TP73: variants seen among roughly 807,000 people sequenced by gnomAD.
TP73 encodes the protein tumor protein p73.
A neutral mutation model predicts 62.5 loss-of-function variants in TP73; 25 were observed. The ratio of observed to expected loss-of-function variants is 0.40; its 90% CI spans 0.29 to 0.56. TP73 has a LOEUF of 0.56. Among genes scored for constraint, TP73 ranks in the 20% least tolerant of loss-of-function variants. The probability of loss-of-function intolerance (pLI) is 0.46; values close to 1 mark genes in which losing one functional copy is unlikely to be tolerated. For synonymous variants in TP73, 423 were observed against 377.5 expected, an observed-to-expected ratio of 1.12 and a Z score of -1.40; for missense variants, 754 against 913.3, an observed-to-expected ratio of 0.83 and a Z score of 2.25.
In TP73 at chr1:3,727,900, C is replaced by T. The variant is rs76013221; in HGVS notation, c.985+130C>T. On this transcript the variant is annotated intron_variant, in intron 8 of 13. Coordinates refer to ENST00000378295, the MANE Select transcript of TP73 (RefSeq NM_005427.4). ...CGGCCCCCCACGCCCAGACTCCTCC[C>T]TGACGGAGCCTGAGAGCAGCCCCCA... The T allele has an allele frequency of 4.1e-3, 5,495 of 1,353,272 alleles. 182 individuals are homozygous for T. In the African/African-American group the frequency reaches 0.072, roughly 18 times the overall value. The allele number at this position is 1,353,272 out of a possible 1,614,324, so 83.8% of individuals were successfully genotyped here.
intron 3 of TP73, chr1:3,690,868 C>G (rs893740995): frequency 2.6e-6 from 4 of 1,562,262 alleles, no homozygotes; most frequent in Middle Eastern, 1.7e-4. Flanking sequence ...CCACGGGACA[C>G]CAGTTCCCTG....
intron 1 of TP73, among the ~76,000 whole-genome samples, chr1:3,681,828 C>T (rs1478300590): frequency 1.3e-5 from 2 of 151,880 alleles, no homozygotes; most frequent in Non-Finnish European, 2.9e-5. Context: ...CTGCATCCCC[C>T]AGGCCAAACC....
rs1202917670 is a variant in TP73 at position 3,666,853 on chromosome 1, A to C, written c.-34+14212A>C. On this transcript the variant is annotated intron_variant, in intron 1 of 13. Coordinates refer to ENST00000378295, the MANE Select transcript of TP73 (RefSeq NM_005427.4). The surrounding 1 kb of genome is among the most constrained non-coding windows in gnomAD (Gnocchi z 6.4). ...AGAGGGCTCAGAAAAGATGTTTTTC[A>C]ATGAGGGACATTTATGGTTGGCAAA... 6.6e-6 allele frequency among the ~76,000 whole-genome samples: 1 copy of C among 152,170 alleles called. No individual in the cohort carries two copies. The highest frequency in any genetic ancestry group is 2.4e-5 in the African/African-American group (1 of 41,436).
At chr1:3,711,885 CAT>C (rs74455032) in intron 4 of TP73, among the ~76,000 whole-genome samples, 19,232 of 150,694 alleles carry the variant, frequency 0.13, 1,504 homozygotes, top group Middle Eastern at 0.18. Context: ...CATGTGCACA[CAT>C]GTTTGTCTTA....
intron 3 of TP73, among the ~76,000 whole-genome samples, chr1:3,692,939 G>A (rs543062691): frequency 6.6e-5 from 10 of 152,316 alleles, no homozygotes; most frequent in South Asian, 6.2e-4. Flanking sequence ...TGCCCTGGGC[G>A]TCAGCAATGG....
At chr1:3,673,818 A>G (rs1488072460) in intron 1 of TP73, among the ~76,000 whole-genome samples, 1 of 152,196 alleles carries the variant, frequency 6.6e-6, no homozygotes, top group African/African-American at 2.4e-5. Flanking sequence ...AGATAGATGG[A>G]CAGGCAGGGG....
intron 3 of TP73, chr1:3,690,630 T>C (rs1255572225): frequency 2.2e-6 from 3 of 1,343,936 alleles, no homozygotes; most frequent in African/African-American, 3.0e-5. Flanking sequence ...CTTGGATGAA[T>C]ACTCATGAGG....
At chr1:3,654,327 G>T (rs1240292878) in intron 1 of TP73, among the ~76,000 whole-genome samples, 1 of 152,174 alleles carries the variant, frequency 6.6e-6, no homozygotes, top group African/African-American at 2.4e-5. Flanking sequence ...CTCGGGATGT[G>T]AGCCCTGCCT....
At chr1:3,664,311 C>T (rs1030251999) in intron 1 of TP73, among the ~76,000 whole-genome samples, 2 of 152,192 alleles carry the variant, frequency 1.3e-5, no homozygotes, top group Non-Finnish European at 2.9e-5. Flanking sequence ...AGCTGGCAGG[C>T]CCCCCGTGGC....
intron 5 of TP73, 144 bp downstream of exon 5, chr1:3,722,351 C>T (rs1641139510): frequency 3.9e-6 from 4 of 1,035,616 alleles, no homozygotes; most frequent in African/African-American, 3.2e-5. Context: ...AGTGCCTCCA[C>T]CAGCCCCCAT....
chr1:3,682,227 G>C, intron 1 of TP73, 106 bp from the exon 2 acceptor site: 1 of 787,068 alleles, frequency 1.3e-6, no homozygotes, highest in East Asian at 3.3e-5. Context: ...CTGCTCCAGG[G>C]ATGCCCCAGG....
chr1:3,699,209 G>A lies in TP73; in HGVS notation c.187-8340G>A, dbSNP rs1020380337. 6.6e-5 allele frequency among the ~76,000 whole-genome samples: 10 copies of A among 152,160 alleles called. No homozygotes were observed. The highest frequency in any genetic ancestry group is 1.9e-4 in the African/African-American group (8 of 41,428). Reference sequence around the variant, plus strand: ...TTAATCACGGGCTCCGGGAGATGCTGTGGGAAGTACCGGCAGGACGGAGGT... The same window carrying A: ...TTAATCACGGGCTCCGGGAGATGCTATGGGAAGTACCGGCAGGACGGAGGT... On this transcript the variant is annotated intron_variant, in intron 3 of 13. Coordinates refer to ENST00000378295, the MANE Select transcript of TP73 (RefSeq NM_005427.4). This position sits in a 1 kb window ranked among gnomAD's most constrained non-coding sequence, Gnocchi z 4.1.
At chr1:3,723,309 G>A in intron 5 of TP73, 45 bp from the exon 6 acceptor site, 1 of 1,519,560 alleles carries the variant, frequency 6.6e-7, no homozygotes, top group Non-Finnish European at 9.1e-7. Context: ...GCACAGGGGT[G>A]GGCACCTCTA....
chr1:3,658,462 G>A (rs147294098), intron 1 of TP73, among the ~76,000 whole-genome samples: 1,611 of 152,308 alleles, frequency 0.011, 9 homozygotes, highest in South Asian at 0.022. Flanking sequence ...AGGAAAGGGG[G>A]CCTGGGCTTC....
In TP73 at chr1:3,732,963, C is replaced by T. The variant is rs928806410; in HGVS notation, c.1795C>T (p.Arg599Cys). The T allele has an allele frequency of 5.0e-5, 80 of 1,605,638 alleles. No individual in the cohort carries two copies. The highest frequency in any genetic ancestry group is 4.9e-4 in the Middle Eastern group (3 of 6,078). The change falls in exon 14 of 14, where the codon CGC becomes TGC. Residue 599 changes from arginine (R) to cysteine (C), a missense_variant. By Grantham distance (180) the Arg-to-Cys change is radical. Transcript: ENST00000378295. Reference protein sequence around the residue: ...RVRHTITIPNRGGPGGGPDEW... With the variant: ...RVRHTITIPNCGGPGGGPDEW... ...GCGCCACACCATCACCATCCCCAACCGCGGCGGCCCAGGCGGCGGCCCTGA... is the reference window on the plus strand; with the variant it reads ...GCGCCACACCATCACCATCCCCAACTGCGGCGGCCCAGGCGGCGGCCCTGA...
intron 7 of TP73, 91 bp from the exon 8 acceptor site, chr1:3,727,537 G>T (rs896755505): frequency 2.6e-6 from 4 of 1,516,960 alleles, no homozygotes; most frequent in African/African-American, 1.4e-5. Context: ...TCTCAAGGCC[G>T]GTCCTGCAGG....
chr1:3,713,300 G>A (rs1347559297), intron 4 of TP73, among the ~76,000 whole-genome samples: 1 of 152,210 alleles, frequency 6.6e-6, no homozygotes, highest in Admixed American at 6.5e-5. Flanking sequence ...TTGGGGACCG[G>A]CCTCTCCTGG....
At chr1:3,685,830 C>T (rs529792795) in intron 3 of TP73, among the ~76,000 whole-genome samples, 233 of 152,312 alleles carry the variant, frequency 1.5e-3, no homozygotes, top group Non-Finnish European at 2.8e-3. Flanking sequence ...CGGTTCAGTG[C>T]GGATGCGGGC....
rs2102052132 is a variant in TP73, at chr1:3,672,774, G to A, written c.-33-9559G>A. Among the ~76,000 whole-genome samples, 1 of 152,086 alleles carries A rather than the reference G, an allele frequency of 6.6e-6. No homozygotes were observed. Among genetic ancestry groups the A allele is most frequent in the East Asian group, 1.9e-4 (1 of 5,190 alleles). On this transcript the variant is annotated intron_variant, in intron 1 of 13. Transcript: ENST00000378295. The surrounding 1 kb of genome is among the most constrained non-coding windows in gnomAD (Gnocchi z 5.3). Reference sequence around the variant, plus strand: ...GCTCAGCGCCCCAGTTCCCTGACAGGGCCCCACTTCCCTCCTGCCGCCAAC... The same window carrying A: ...GCTCAGCGCCCCAGTTCCCTGACAGAGCCCCACTTCCCTCCTGCCGCCAAC...
Sources: allele counts gnomAD v4.1 joint callset (sites outside exome capture counted in the v4.1 genomes callset), GRCh38; gene constraint gnomAD v4.1.1; non-coding constraint Gnocchi (gnomAD v3.1); transcripts MANE v1.5; gene names NCBI Gene and HGNC (gene_info 2026-07-23, HGNC 2026-07-21).